RASA2: variants seen among roughly 807,000 people sequenced by gnomAD.
The protein encoded by RASA2 is ras GTPase-activating protein 2.
RASA2 carries 155 observed loss-of-function variants against 118.2 expected under a neutral mutation model. The observed-to-expected ratio is 1.31, with a 90% CI of 1.15 to 1.50. The LOEUF (loss-of-function observed/expected upper bound fraction) is 1.50, where lower values mean the gene tolerates loss of function less well. Among genes scored for constraint, RASA2 ranks in the 40% most tolerant of loss-of-function variants. The pLI, the probability that RASA2 is intolerant of heterozygous loss-of-function variation, is 0.00. For synonymous variants in RASA2, 353 were observed against 349.1 expected (o/e 1.01, Z -0.12); for missense variants, 1,016 against 1,009.6 (o/e 1.01, Z -0.09).
intron 5 of RASA2, among the ~76,000 whole-genome samples, chr3:141,552,435 C>G (rs2082588568): frequency 6.6e-6 from 1 of 152,134 alleles, no homozygotes; most frequent in African/African-American, 2.4e-5. Flanking sequence ...TGAGCCTTAC[C>G]TTGTAACTTC....
Position 141,529,805 on chromosome 3 carries a change from A to G in RASA2, c.450+3A>G. 6.3e-7 allele frequency: 1 copy of G among 1,587,288 alleles called. No homozygotes were observed. Among genetic ancestry groups the G allele is most frequent in the South Asian group, 1.1e-5 (1 of 90,236 alleles). ...TTGACTCCAATTCAGAGGTTCAGGT[A>G]AATATTAAGGCTTATGTAATACAAG... On this transcript the variant is annotated splice_donor_region_variant and intron_variant, in intron 4 of 23. Coordinates refer to ENST00000286364, the MANE Select transcript of RASA2 (RefSeq NM_006506.5).
intron 2 of RASA2, among the ~76,000 whole-genome samples, chr3:141,515,898 C>CAA (rs35995449): frequency 0.013 from 1,354 of 102,564 alleles, 18 homozygotes; most frequent in African/African-American, 0.037. Context: ...GACTCTGTCT[C>CAA]AAAAAAAAAA....
intron 23 of RASA2, among the ~76,000 whole-genome samples, chr3:141,610,597 C>A (rs2083635183): frequency 6.7e-6 from 1 of 149,846 alleles, no homozygotes; most frequent in Non-Finnish European, 1.5e-5. Flanking sequence ...CTCAAGCGAT[C>A]CTCCCATCTC....
intron 16 of RASA2, 21 bp from the exon 17 acceptor site, chr3:141,581,079 C>A: frequency 6.6e-7 from 1 of 1,504,204 alleles, no homozygotes; most frequent in Non-Finnish European, 8.8e-7. Flanking sequence ...ACATATAAAC[C>A]CTGTGTTTGT....
chr3:141,602,276 C>T (rs554227683), intron 19 of RASA2, among the ~76,000 whole-genome samples: 2 of 152,304 alleles, frequency 1.3e-5, no homozygotes, highest in African/African-American at 2.4e-5. Context: ...AATTTTTCCA[C>T]GGACTGGTGG....
intron 19 of RASA2, among the ~76,000 whole-genome samples, chr3:141,606,471 A>G (rs965474342): frequency 2.0e-5 from 3 of 152,114 alleles, no homozygotes; most frequent in East Asian, 1.9e-4. Flanking sequence ...TTTAATATTT[A>G]TGGTCTTTTG....
Position 141,516,422 on chromosome 3 carries a change from C to T in RASA2, c.346C>T (p.Leu116Phe), listed in dbSNP as rs755043883. ...TGATAAGAATGTTTTACAAAGAGAT[C>T]TCCGTATAGGTATGTACTATTCATA... ...VYDKNVLQRD[L>F]RIGKVAIKKE... The change falls in exon 3 of 24, where the codon CTC becomes TTC. Residue 116 changes from leucine to phenylalanine, a missense_variant. Around this residue, in one of 2 missense-constraint regions of RASA2, gnomAD observed 896 missense variants for 836.4 expected, o/e 1.07. Coordinates refer to ENST00000286364, the MANE Select transcript of RASA2 (RefSeq NM_006506.5). 6.5e-7 allele frequency: 1 copy of T among 1,543,178 alleles called. No homozygotes were observed. Among genetic ancestry groups the T allele is most frequent in the African/African-American group, 1.4e-5 (1 of 72,196 alleles).
At chr3:141,590,167 TG>T (rs1420876057) in intron 19 of RASA2, 2 of 456,522 alleles carry the variant, frequency 4.4e-6, no homozygotes, top group East Asian at 6.9e-5. Flanking sequence ...CTAGATGACT[TG>T]GGGCTACCAT....
rs376712084 is a variant in RASA2, at chr3:141,614,871, T to A, written c.*2558T>A. ...TAAGTGTGAAAACTAGGCTTTTTTT[T>A]ATGAAACAAAAAAAGGTGACGAATA... On this transcript the variant is annotated 3_prime_UTR_variant, in exon 24 of 24. Transcript: ENST00000286364. 4 of 152,208 alleles carry A rather than the reference T, an allele frequency of 2.6e-5. No individual in the cohort carries two copies. The highest frequency in any genetic ancestry group is 2.1e-4 in the South Asian group (1 of 4,834). 9.4% of individuals were successfully genotyped at this position (152,208 alleles called of 1,614,324 possible).
Position 141,516,384 on chromosome 3 carries a change from C to T in RASA2, c.308C>T (p.Ser103Phe). ...ATTCCAAGAACTTTCCAGTATTTGT[C>T]TTTCTATGTTTATGATAAGAATGTT... is the stretch of plus-strand genomic sequence containing the variant. Reference protein sequence around the residue: ...FEIPRTFQYLSFYVYDKNVLQ... With the variant: ...FEIPRTFQYLFFYVYDKNVLQ... Residue 103 changes from serine (S) to phenylalanine (F), a missense_variant, in exon 3 of 24, where the codon TCT becomes TTT. Ser to Phe is a radical substitution (Grantham distance 155). Around this residue, in one of 2 missense-constraint regions of RASA2, gnomAD observed 896 missense variants for 836.4 expected, o/e 1.07. Transcript: ENST00000286364. 6.4e-7 allele frequency: 1 copy of T among 1,563,258 alleles called. No homozygotes were observed. The highest frequency in any genetic ancestry group is 8.7e-7 in the Non-Finnish European group (1 of 1,155,188).
intron 4 of RASA2, among the ~76,000 whole-genome samples, chr3:141,530,225 A>C (rs1268724959): frequency 1.3e-5 from 2 of 152,050 alleles, no homozygotes; most frequent in Non-Finnish European, 2.9e-5. Flanking sequence ...TATTCATTTA[A>C]ACCCTGCCTG....
At chr3:141,610,452 ATT>A (rs2083629584) in intron 23 of RASA2, among the ~76,000 whole-genome samples, 6 of 109,152 alleles carry the variant, frequency 5.5e-5, no homozygotes, top group African/African-American at 1.8e-4. Flanking sequence ...TATATTATAT[ATT>A]TATATTTATA....
At chr3:141,611,493 G>C (rs1310581703) in intron 23 of RASA2, among the ~76,000 whole-genome samples, 1 of 152,092 alleles carries the variant, frequency 6.6e-6, no homozygotes, top group Non-Finnish European at 1.5e-5. Context: ...GGCCAGCAAG[G>C]AACAGTGTTT....
At chr3:141,539,568 T>C (rs902023418) in intron 4 of RASA2, among the ~76,000 whole-genome samples, 2 of 152,206 alleles carry the variant, frequency 1.3e-5, no homozygotes, top group Non-Finnish European at 2.9e-5. Context: ...TAATGAACTT[T>C]CCTACCTCTA....
At chr3:141,559,747 A>T (rs181475651) in intron 8 of RASA2, 147 bp from the exon 9 acceptor site, 1 of 588,618 alleles carries the variant, frequency 1.7e-6, no homozygotes, top group Admixed American at 3.0e-5. Context: ...TAGTCTGGAT[A>T]GTGAGGTATG....
intron 7 of RASA2, among the ~76,000 whole-genome samples, chr3:141,558,123 A>G (rs1365962567): frequency 6.6e-6 from 1 of 152,184 alleles, no homozygotes. Flanking sequence ...TCAGCATGTC[A>G]TTTAATTTCT....
chr3:141,528,615 G>C (rs2082215771), intron 3 of RASA2, among the ~76,000 whole-genome samples: 1 of 151,804 alleles, frequency 6.6e-6, no homozygotes. Flanking sequence ...ATGGTGTGGT[G>C]GGGGCCTTAA....
intron 19 of RASA2, among the ~76,000 whole-genome samples, chr3:141,600,732 C>G (rs1053903118): frequency 6.6e-6 from 1 of 152,154 alleles, no homozygotes; most frequent in Non-Finnish European, 1.5e-5. Context: ...GCCACATCTC[C>G]CTGAATTCAT....
intron 4 of RASA2, among the ~76,000 whole-genome samples, chr3:141,532,767 C>T (rs986014144): frequency 6.6e-6 from 1 of 151,992 alleles, no homozygotes; most frequent in African/African-American, 2.4e-5. Context: ...AACTGTAGAC[C>T]TCCCCCCTGC....
Sources: gnomAD v4.1 joint callset for allele counts (sites outside exome capture counted in the v4.1 genomes callset) on GRCh38, gnomAD v4.1.1 for gene constraint, gnomAD v4.1.1 regional missense constraint, MANE v1.5 for transcripts, NCBI Gene and HGNC (gene_info 2026-07-23, HGNC 2026-07-21) for gene names.